The following RAB11FIP5 variants were observed in gnomAD, a reference collection of about 807,000 sequenced individuals.
RAB11FIP5 encodes the protein RAB11 family interacting protein 5.
Under a neutral mutation model 85.1 loss-of-function variants are expected in RAB11FIP5, and 48 were observed. The observed-to-expected ratio is 0.56, with a 90% CI of 0.45 to 0.72. RAB11FIP5 has a LOEUF of 0.72. Among genes scored for constraint, RAB11FIP5 ranks in the 30% least tolerant of loss-of-function variants. The pLI is 0.00. For synonymous variants in RAB11FIP5, 729 were observed against 727.3 expected, an observed-to-expected ratio of 1.00 and a Z score of -0.04; for missense variants, 1,491 against 1,687.0, an observed-to-expected ratio of 0.88 and a Z score of 2.04.
intron 1 of RAB11FIP5, among the ~76,000 whole-genome samples, chr2:73,111,100 G>A (rs945739151): frequency 6.6e-6 from 1 of 152,004 alleles, no homozygotes; most frequent in Non-Finnish European, 1.5e-5. Context: ...CGGGGAGCAG[G>A]CCAGGGGATG....
chr2:73,080,464 A>G lies in RAB11FIP5; in HGVS notation c.2768T>C (p.Val923Ala), dbSNP rs912084146. 22 of 1,233,494 alleles carry G rather than the reference A, an allele frequency of 1.8e-5. No individual in the cohort carries two copies. The highest frequency in any genetic ancestry group is 2.1e-5 in the Non-Finnish European group (21 of 988,854). The allele number at this position is 1,233,494 out of a possible 1,614,324, so 76.4% of individuals were successfully genotyped here. A position where few individuals can be genotyped will look rare whatever the true frequency, so the allele number is the denominator to read the frequency against. Residue 923 changes from valine to alanine, a missense_variant, in exon 4 of 6, where the codon GTG becomes GCG. Val to Ala is a moderately conservative substitution (Grantham distance 64, BLOSUM62 0). This residue lies in a region of RAB11FIP5 where 1,211 missense variants were observed against 1,338.0 expected (regional missense o/e 0.91). Coordinates refer to ENST00000486777, the MANE Select transcript of RAB11FIP5 (RefSeq NM_001371272.1). ...CTCCGGCCCCCTGTTACTCAGCCCC[A>G]CTGCGGCCTTCTCCTCCTCCTCCTC... Reference protein sequence around the residue: ...SQEEEEEKAAVGLSNRGPETE... With the variant: ...SQEEEEEKAAAGLSNRGPETE...
In RAB11FIP5 at chr2:73,079,691, A is replaced by C; in HGVS notation, c.3541T>G (p.Leu1181Val). ...GGCTCCTCAGCTGGTCGTGTCTCCA[A>C]GGGCAGAAGCACAAGCGGGGAGGCT... Reference protein sequence around the residue: ...TPASPLVLLPLETRPAEEPQP... With the variant: ...TPASPLVLLPVETRPAEEPQP... Residue 1181 changes from leucine to valine, a missense_variant, in exon 4 of 6, where the codon TTG becomes GTG. Physicochemically the swap from Leu to Val is conservative, Grantham distance 32. This residue lies in a region of RAB11FIP5 where 232 missense variants were observed against 259.1 expected (regional missense o/e 0.90). Transcript: ENST00000486777. 12 of 1,233,356 alleles carry C rather than the reference A, an allele frequency of 9.7e-6. No individual in the cohort carries two copies. The highest frequency in any genetic ancestry group is 1.2e-5 in the Non-Finnish European group (12 of 988,930). The allele number at this position is 1,233,356 out of a possible 1,614,324, so 76.4% of individuals were successfully genotyped here.
intron 1 of RAB11FIP5, among the ~76,000 whole-genome samples, chr2:73,097,211 A>G (rs1230928788): frequency 6.6e-6 from 1 of 151,930 alleles, no homozygotes; most frequent in Non-Finnish European, 1.5e-5. Context: ...CTAATTTTGT[A>G]TTTTTAGTAG....
Position 73,112,758 on chromosome 2 carries a change from G to C in RAB11FIP5, c.20C>G (p.Ala7Gly). 6.8e-7 allele frequency: 1 copy of C among 1,468,400 alleles called. No individual in the cohort carries two copies. The highest frequency in any genetic ancestry group is 9.0e-7 in the Non-Finnish European group (1 of 1,115,040). 91.0% of individuals were successfully genotyped at this position (1,468,400 alleles called of 1,614,324 possible). MALVRG[A>G]EPAAGPSRWL... The stretch of plus-strand genomic sequence containing the variant: ...GCGGGAAGGCCCCGCCGCCGGCTCC[G>C]CGCCCCGCACCAGGGCCATGGCGGA... The change falls in exon 1 of 6, where the codon GCG (alanine) becomes GGG (glycine). Residue 7 changes from alanine (A) to glycine (G), a missense_variant. Around this residue, in one of 3 missense-constraint regions of RAB11FIP5, gnomAD observed 1,211 missense variants for 1,338.0 expected, o/e 0.91. Transcript: ENST00000486777.
At chr2:73,097,788 A>G (rs1008388564) in intron 1 of RAB11FIP5, among the ~76,000 whole-genome samples, 7 of 152,184 alleles carry the variant, frequency 4.6e-5, no homozygotes, top group Non-Finnish European at 8.8e-5. Flanking sequence ...TCAGCCCCCA[A>G]CTGAACTAAG....
chr2:73,106,276 G>A (rs540334373), intron 1 of RAB11FIP5, among the ~76,000 whole-genome samples: 1 of 152,296 alleles, frequency 6.6e-6, no homozygotes, highest in African/African-American at 2.4e-5. Flanking sequence ...TGCTCCAGAT[G>A]TGGGGATTCA....
In RAB11FIP5 at chr2:73,112,814, T is replaced by C; in HGVS notation, c.-37A>G. 3 of 1,397,614 alleles carry C rather than the reference T, an allele frequency of 2.1e-6. No individual in the cohort carries two copies. Among genetic ancestry groups the C allele is most frequent in the Non-Finnish European group, 2.8e-6 (3 of 1,085,992 alleles). 86.6% of individuals were successfully genotyped at this position (1,397,614 alleles called of 1,614,324 possible). On this transcript the variant is annotated 5_prime_UTR_variant, in exon 1 of 6. Transcript: ENST00000486777. ...GGGGGGCGAGGTCTGGCCGAGCCGG[T>C]GCAGACCCCAGGACCTGGTGACAAA... is the stretch of plus-strand genomic sequence containing the variant.
At chr2:73,091,262 T>A (rs1684203756) in intron 1 of RAB11FIP5, among the ~76,000 whole-genome samples, 1 of 152,208 alleles carries the variant, frequency 6.6e-6, no homozygotes, top group Non-Finnish European at 1.5e-5. Context: ...CGAACAGCAC[T>A]GGAGTCTTCC....
chr2:73,081,027 C>A lies in RAB11FIP5; in HGVS notation c.2205G>T (p.Ala735=). The stretch of plus-strand genomic sequence containing the variant: ...CGAGGAGCCCTGGGTCAGCCGCGCT[C>A]GCGCTCTGGTGGTTCGGTCCCAAGT... ...PLDLGPNHQS[A]SAADPGLLGS... Residue 735 remains alanine, a synonymous_variant, in exon 4 of 6, where the codon GCG becomes GCT. Coordinates refer to ENST00000486777, the MANE Select transcript of RAB11FIP5 (RefSeq NM_001371272.1). The surrounding 1 kb of genome is among the most constrained non-coding windows in gnomAD (Gnocchi z 4.2). 8.1e-7 allele frequency: 1 copy of A among 1,232,508 alleles called. No homozygotes were observed. Among genetic ancestry groups the A allele is most frequent in the Non-Finnish European group, 1.0e-6 (1 of 988,222 alleles). 76.3% of individuals were successfully genotyped at this position (1,232,508 alleles called of 1,614,324 possible).
At chr2:73,110,907 C>A (rs1684643339) in intron 1 of RAB11FIP5, among the ~76,000 whole-genome samples, 1 of 152,050 alleles carries the variant, frequency 6.6e-6, no homozygotes, top group South Asian at 2.1e-4. Flanking sequence ...GGGATAGGCA[C>A]CTCTTCTGAA....
Position 73,075,863 on chromosome 2 carries a change from G to C in RAB11FIP5, c.3771+130C>G. The C allele has an allele frequency of 2.1e-6, 3 of 1,452,872 alleles. No homozygotes were observed. The highest frequency in any genetic ancestry group is 2.8e-6 in the Non-Finnish European group (3 of 1,066,816). 90.0% of individuals were successfully genotyped at this position (1,452,872 alleles called of 1,614,324 possible). A position where few individuals can be genotyped will look rare whatever the true frequency, so the allele number is the denominator to read the frequency against. ...CCCAGGCTGCCTGTCTCCAAAGTCA[G>C]AGCCTAACTGGCTTCAGGACTCTGA... On this transcript the variant is annotated intron_variant, in intron 5 of 5. Coordinates refer to ENST00000486777, the MANE Select transcript of RAB11FIP5 (RefSeq NM_001371272.1). The surrounding 1 kb of genome is among the most constrained non-coding windows in gnomAD (Gnocchi z 4.6).
Position 73,076,193 on chromosome 2 carries a change from A to G in RAB11FIP5, c.3582-11T>C, listed in dbSNP as rs764096017. The G allele has an allele frequency of 1.9e-6, 3 of 1,588,688 alleles. No homozygotes were observed. The highest frequency in any genetic ancestry group is 2.6e-6 in the Non-Finnish European group (3 of 1,159,732). On this transcript the variant is annotated splice_polypyrimidine_tract_variant and intron_variant, in intron 4 of 5. Transcript: ENST00000486777. ...TTCACGGGGTGGGGACTGCAAAGAC[A>G]TACAAGAGATGGGTTACACAGAGAG...
chr2:73,100,617 G>C (rs1684410814), intron 1 of RAB11FIP5, among the ~76,000 whole-genome samples: 1 of 151,934 alleles, frequency 6.6e-6, no homozygotes, highest in Non-Finnish European at 1.5e-5. Context: ...GTAGAGATGG[G>C]GTTTCACCAT....
At chr2:73,111,964 G>A (rs1684665120) in intron 1 of RAB11FIP5, among the ~76,000 whole-genome samples, 1 of 152,148 alleles carries the variant, frequency 6.6e-6, no homozygotes. Flanking sequence ...GGCGCCCGCA[G>A]TTCCCCTCCC....
chr2:73,107,419 C>T (rs958101232), intron 1 of RAB11FIP5, among the ~76,000 whole-genome samples: 2 of 152,162 alleles, frequency 1.3e-5, no homozygotes, highest in Admixed American at 6.5e-5. Context: ...GAAGGACAGC[C>T]CTCAAGGTCA....
rs559343756 is a variant in RAB11FIP5 at position 73,075,856 on chromosome 2, A to G, written c.3772-132T>C. The G allele has an allele frequency of 1.4e-6, 2 of 1,455,080 alleles. No homozygotes were observed. The highest frequency in any genetic ancestry group is 2.0e-5 in the Admixed American group (1 of 49,616). 90.1% of individuals were successfully genotyped at this position (1,455,080 alleles called of 1,614,324 possible). ...ACAGGGCCCCAGGCTGCCTGTCTCCAAAGTCAGAGCCTAACTGGCTTCAGG... is the reference window on the plus strand; with the variant it reads ...ACAGGGCCCCAGGCTGCCTGTCTCCGAAGTCAGAGCCTAACTGGCTTCAGG... On this transcript the variant is annotated intron_variant, in intron 5 of 5. Coordinates refer to ENST00000486777, the MANE Select transcript of RAB11FIP5 (RefSeq NM_001371272.1). The surrounding 1 kb of genome is among the most constrained non-coding windows in gnomAD (Gnocchi z 4.6).
At chr2:73,101,096 G>A (rs911657358) in intron 1 of RAB11FIP5, among the ~76,000 whole-genome samples, 1 of 152,186 alleles carries the variant, frequency 6.6e-6, no homozygotes, top group African/African-American at 2.4e-5. Context: ...TTCGCTGAGG[G>A]TGGACTGCAG....
chr2:73,100,490 A>T (rs1684408266), intron 1 of RAB11FIP5, among the ~76,000 whole-genome samples: 1 of 150,162 alleles, frequency 6.7e-6, no homozygotes, highest in Non-Finnish European at 1.5e-5. Context: ...CAGTGGTACA[A>T]TCTCAGCTCA....
chr2:73,111,998 C>G (rs1315430454), intron 1 of RAB11FIP5, among the ~76,000 whole-genome samples: 1 of 152,146 alleles, frequency 6.6e-6, no homozygotes, highest in Non-Finnish European at 1.5e-5. Flanking sequence ...GAGGCAGGCC[C>G]GGAGGTTCTA....
Sources: allele counts gnomAD v4.1 joint callset (sites outside exome capture counted in the v4.1 genomes callset), GRCh38; gene constraint gnomAD v4.1.1; regional missense constraint gnomAD v4.1.1; non-coding constraint Gnocchi (gnomAD v3.1); transcripts MANE v1.5; gene names NCBI Gene and HGNC (gene_info 2026-07-23, HGNC 2026-07-21).